SNTB2: variants seen among roughly 807,000 people sequenced by gnomAD.
SNTB2 encodes the protein beta-2-syntrophin.
Under a neutral mutation model 46.2 loss-of-function variants are expected in SNTB2, and 34 were observed. That is an observed-to-expected ratio of 0.74 (90% CI 0.56 to 0.98). The LOEUF (loss-of-function observed/expected upper bound fraction) is 0.98. Ranked by LOEUF, SNTB2 falls within the 50% of genes least tolerant of loss-of-function variation. SNTB2 has a pLI of 0.00. For synonymous variants in SNTB2, 290 were observed against 312.6 expected, an observed-to-expected ratio of 0.93 and a Z score of 0.76; for missense variants, 603 against 731.4, an observed-to-expected ratio of 0.82 and a Z score of 2.02.
In SNTB2 at chr16:69,306,162, T is replaced by C. The variant is rs192411116; in HGVS notation, c.*5238T>C. The C allele has an allele frequency of 6.6e-6, 1 of 152,330 alleles. No individual in the cohort carries two copies. Among genetic ancestry groups the C allele is most frequent in the African/African-American group, 2.4e-5 (1 of 41,576 alleles). 9.4% of individuals were successfully genotyped at this position (152,330 alleles called of 1,614,324 possible). A position where few individuals can be genotyped will look rare whatever the true frequency, so the allele number is the denominator to read the frequency against. On this transcript the variant is annotated 3_prime_UTR_variant, in exon 7 of 7. Transcript: ENST00000336278. ...AGATGAGTGACACAAATTCATTCTC[T>C]TAAAGGATAGAATTTCAAGTTAAGG... is the stretch of plus-strand genomic sequence containing the variant.
chr16:69,281,111 A>G (rs537495107), intron 4 of SNTB2, among the ~76,000 whole-genome samples: 22 of 152,038 alleles, frequency 1.4e-4, no homozygotes, highest in Middle Eastern at 6.8e-3. Flanking sequence ...TCTTAACAGT[A>G]TTTTTTGCAG....
chr16:69,207,030 G>A (rs1445816608), intron 1 of SNTB2, among the ~76,000 whole-genome samples: 4 of 152,126 alleles, frequency 2.6e-5, no homozygotes, highest in Non-Finnish European at 4.4e-5. Flanking sequence ...GCCTCCCAAC[G>A]TGCTGGGATT....
chr16:69,259,097 G>T (rs1186713510), intron 2 of SNTB2, among the ~76,000 whole-genome samples: 1 of 151,894 alleles, frequency 6.6e-6, no homozygotes, highest in East Asian at 1.9e-4. Flanking sequence ...TAGAAATTAA[G>T]GCAAAGTGAT....
chr16:69,267,591 A>G lies in SNTB2; in HGVS notation c.1006-2552A>G, dbSNP rs137980756. ...ATAAGAAATGCATAATTCTTTCTAC[A>G]GTATTTTGCTTGAATTCTCAGAGTT... On this transcript the variant is annotated intron_variant, in intron 3 of 6. Coordinates refer to ENST00000336278, the MANE Select transcript of SNTB2 (RefSeq NM_006750.4). 4.1e-3 allele frequency among the ~76,000 whole-genome samples: 624 copies of G among 152,348 alleles called. 1 individual carries two copies. Among genetic ancestry groups the G allele is most frequent in the Middle Eastern group, 6.8e-3 (2 of 294 alleles).
At chr16:69,214,920 T>C (rs1404486148) in intron 1 of SNTB2, among the ~76,000 whole-genome samples, 1 of 152,122 alleles carries the variant, frequency 6.6e-6, no homozygotes, top group Admixed American at 6.5e-5. Context: ...CTCGATTCAC[T>C]GCAACCTCCA....
intron 4 of SNTB2, among the ~76,000 whole-genome samples, chr16:69,280,308 A>T (rs925991067): frequency 1.3e-5 from 2 of 151,836 alleles, no homozygotes; most frequent in African/African-American, 4.8e-5. Context: ...TCCTTTCCCC[A>T]CCTTTCCCCC....
intron 4 of SNTB2, among the ~76,000 whole-genome samples, chr16:69,272,539 C>CAAAA (rs556616496): frequency 3.4e-5 from 2 of 58,154 alleles, no homozygotes; most frequent in Admixed American, 1.8e-4. Context: ...GACTCTGTCT[C>CAAAA]AAAAAAAAAA....
chr16:69,274,776 T>TAGTG, intron 4 of SNTB2, among the ~76,000 whole-genome samples: 4 of 151,758 alleles, frequency 2.6e-5, no homozygotes, highest in African/African-American at 9.7e-5. Context: ...CTGGGCAACA[T>TAGTG]AGTGAGACCT....
rs1010528678 is a variant in SNTB2 at position 69,304,457 on chromosome 16, A to C, written c.*3533A>C. On this transcript the variant is annotated 3_prime_UTR_variant, in exon 7 of 7. Transcript: ENST00000336278. ...TGTTTTTATGTTCTGTACTCTCACA[A>C]ACTTTGTTACTCAAAATTATTGCAT... 1 of 152,614 alleles carries C rather than the reference A, an allele frequency of 6.6e-6. No individual in the cohort carries two copies. Among genetic ancestry groups the C allele is most frequent in the African/African-American group, 2.4e-5 (1 of 41,444 alleles). 9.5% of individuals were successfully genotyped at this position (152,614 alleles called of 1,614,324 possible).
At chr16:69,197,299 A>G (rs1478009668) in intron 1 of SNTB2, among the ~76,000 whole-genome samples, 1 of 152,154 alleles carries the variant, frequency 6.6e-6, no homozygotes, top group Non-Finnish European at 1.5e-5. Flanking sequence ...AGGGTGGGAC[A>G]TGGAATAGGT....
chr16:69,202,545 G>GAC (rs1964173205), intron 1 of SNTB2, among the ~76,000 whole-genome samples: 1 of 151,932 alleles, frequency 6.6e-6, no homozygotes, highest in African/African-American at 2.4e-5. Context: ...TGGGATTACA[G>GAC]ACACACACTA....
In SNTB2 at chr16:69,298,035, C is replaced by T. The variant is rs535198500; in HGVS notation, c.1346-1555C>T. Among the ~76,000 whole-genome samples the T allele has an allele frequency of 9.2e-5, 14 of 151,982 alleles. No homozygotes were observed. In the South Asian group the frequency reaches 2.9e-3, roughly 32 times the overall value. On this transcript the variant is annotated intron_variant, in intron 5 of 6. Transcript: ENST00000336278. ...CTCACTGCAGCCTTGAACTCCTGGA[C>T]GCAAGTGATCCTCCCACCCCAGCCT...
intron 3 of SNTB2, among the ~76,000 whole-genome samples, chr16:69,262,684 A>ATTTTTTT (rs952452970): frequency 6.8e-6 from 1 of 147,792 alleles, no homozygotes; most frequent in Non-Finnish European, 1.5e-5. Flanking sequence ...GAAATATACA[A>ATTTTTTT]TTTTTTTTTT....
chr16:69,268,917 C>T (rs1041195061), intron 3 of SNTB2, among the ~76,000 whole-genome samples: 10 of 151,628 alleles, frequency 6.6e-5, no homozygotes, highest in African/African-American at 2.4e-4. Context: ...CGCCTGTAAT[C>T]CCAACACTTT....
intron 2 of SNTB2, among the ~76,000 whole-genome samples, chr16:69,248,832 T>G (rs1964696577): frequency 6.8e-6 from 1 of 147,648 alleles, no homozygotes; most frequent in Non-Finnish European, 1.5e-5. Context: ...AAAAAAGAGA[T>G]ACATTTATAC....
At chr16:69,188,921 G>T (rs759975376) in intron 1 of SNTB2, among the ~76,000 whole-genome samples, 1 of 152,184 alleles carries the variant, frequency 6.6e-6, no homozygotes, top group Non-Finnish European at 1.5e-5. Flanking sequence ...TGAATCTTGA[G>T]CCAGGTCTCC....
intron 1 of SNTB2, among the ~76,000 whole-genome samples, chr16:69,206,308 C>A (rs767697676): frequency 2.6e-5 from 4 of 152,084 alleles, no homozygotes; most frequent in Admixed American, 6.5e-5. Context: ...CCTCCTTCTA[C>A]CTTTTAGCTT....
intron 1 of SNTB2, among the ~76,000 whole-genome samples, chr16:69,199,823 A>G (rs1206482049): frequency 6.6e-6 from 1 of 152,168 alleles, no homozygotes; most frequent in Admixed American, 6.5e-5. Flanking sequence ...TAGATGCCAA[A>G]TAATTCCTTC....
At chr16:69,227,841 A>ATTTTT (rs60387965) in intron 1 of SNTB2, among the ~76,000 whole-genome samples, 2 of 115,912 alleles carry the variant, frequency 1.7e-5, no homozygotes, top group South Asian at 3.0e-4. Context: ...GTTTCTCTGG[A>ATTTTT]TTTTTTTTTT....
Sources: allele counts gnomAD v4.1 joint callset (sites outside exome capture counted in the v4.1 genomes callset), GRCh38; gene constraint gnomAD v4.1.1; transcripts MANE v1.5; gene names NCBI Gene and HGNC (gene_info 2026-07-23, HGNC 2026-07-21).